Variants in GDI2 observed in about 807,000 individuals in gnomAD.
GDI2 encodes the protein GDP dissociation inhibitor 2.
GDI2 carries 22 observed loss-of-function variants against 54.2 expected under a neutral mutation model. The observed-to-expected ratio is 0.41, with a 90% confidence interval of 0.29 to 0.58. GDI2 has a LOEUF of 0.58. GDI2 is among the 20% of genes least tolerant of loss of function. The pLI is 0.35. For synonymous variants in GDI2, 177 were observed against 182.1 expected (o/e 0.97, Z 0.23); for missense variants, 422 against 546.0 (o/e 0.77, Z 2.26).
chr10:5,810,954 A>C (rs1450371355), intron 1 of GDI2, among the ~76,000 whole-genome samples: 1 of 152,196 alleles, frequency 6.6e-6, no homozygotes, highest in Non-Finnish European at 1.5e-5. Flanking sequence ...CTTCTTTAAA[A>C]GTAACAAGTT....
chr10:5,796,728 A>G (rs771509783), intron 3 of GDI2, 35 bp downstream of exon 3: 6 of 969,120 alleles, frequency 6.2e-6, no homozygotes, highest in Non-Finnish European at 1.0e-5. Flanking sequence ...TTGTAATCAA[A>G]GTACTGTCAT....
At chr10:5,795,562 A>G (rs1028729601) in intron 3 of GDI2, among the ~76,000 whole-genome samples, 1 of 152,332 alleles carries the variant, frequency 6.6e-6, no homozygotes, top group South Asian at 2.1e-4. Context: ...GTTACAACTT[A>G]AAGGTTAATA....
chr10:5,785,785 T>C (rs930981347), intron 5 of GDI2, 67 bp downstream of exon 5: 2 of 959,390 alleles, frequency 2.1e-6, no homozygotes, highest in Admixed American at 3.8e-5. Flanking sequence ...GAATTTCCAC[T>C]TGGAAGACTT....
At position 5,801,906 on chromosome 10, in the gene GDI2, G is replaced by A. The variant is rs372661467; in HGVS notation, c.46-1201C>T. ...CATGCCTGTAATTCCAGCAACTCAG[G>A]AGGCTGAGGCAGAACTGCTTGAACC... On this transcript the variant is annotated intron_variant, in intron 1 of 10. Coordinates refer to ENST00000380191, the MANE Select transcript of GDI2 (RefSeq NM_001494.4). Among the ~76,000 whole-genome samples, 12 of 152,006 alleles carry A rather than the reference G, an allele frequency of 7.9e-5. No individual in the cohort carries two copies. The East Asian group carries it at 1.9e-3, about 25-fold the overall frequency.
intron 6 of GDI2, among the ~76,000 whole-genome samples, chr10:5,779,969 C>A (rs2131692392): frequency 6.6e-6 from 1 of 152,156 alleles, no homozygotes; most frequent in African/African-American, 2.4e-5. Context: ...GCTGCAATTA[C>A]AGGCATGAGC....
At position 5,796,826 on chromosome 10, in the gene GDI2, C is replaced by T. The variant is rs755557916; in HGVS notation, c.190G>A (p.Glu64Lys). The T allele has an allele frequency of 1.5e-5, 24 of 1,588,560 alleles. No homozygotes were observed. The highest frequency in any genetic ancestry group is 3.3e-5 in the Admixed American group (2 of 59,950). The change falls in exon 3 of 11, where the codon GAG becomes AAG. Residue 64 changes from glutamate to lysine, a missense_variant. By Grantham distance (56) the Glu-to-Lys change is moderately conservative (BLOSUM62 1). Coordinates refer to ENST00000380191, the MANE Select transcript of GDI2 (RefSeq NM_001494.4). The part of the protein sequence containing the change: ...KRFKIPGSPP[E>K]SMGRGRDWNV... ...CAGTCTCTTCCTCTCCCCATTGACT[C>T]GGGTGGTGATCCTGGTATTTTAAAT...
At chr10:5,773,765 C>G in intron 7 of GDI2, 77 bp downstream of exon 7, 1 of 735,798 alleles carries the variant, frequency 1.4e-6, no homozygotes, top group Non-Finnish European at 2.4e-6. Context: ...TCAGTGTCCA[C>G]ACCAAAATCA....
chr10:5,766,177 T>TA lies in GDI2; in HGVS notation c.1192-26dup. ...TCTGAAAACAAAAATTACGAAGACT[T>TA]AAGACCATGGAGGGATGTCTTCCAG... On this transcript the variant is annotated intron_variant, in intron 10 of 10. Transcript: ENST00000380191. This position sits in a 1 kb window ranked among gnomAD's most constrained non-coding sequence, Gnocchi z 5.8. The TA allele has an allele frequency of 6.2e-7, 1 of 1,612,848 alleles. No homozygotes were observed. The highest frequency in any genetic ancestry group is 1.1e-5 in the South Asian group (1 of 91,060).
chr10:5,810,739 C>A lies in GDI2; in HGVS notation c.45+2475G>T, dbSNP rs150365997. Among the ~76,000 whole-genome samples, 369 of 152,300 alleles carry A rather than the reference C, an allele frequency of 2.4e-3. 2 individuals are homozygous for A. The highest frequency in any genetic ancestry group is 8.4e-3 in the African/African-American group (347 of 41,556). ...CAAAAGCTGTGCTCTTTAGAGATAA[C>A]CTTTAGTTCCTCAGAAAATTCAATT... On this transcript the variant is annotated intron_variant, in intron 1 of 10. Transcript: ENST00000380191.
rs1256553102 is a variant in GDI2, at chr10:5,768,618, G to A, written c.820-234C>T. 4.2e-6 allele frequency: 2 copies of A among 475,340 alleles called. No homozygotes were observed. Among genetic ancestry groups the A allele is most frequent in the Non-Finnish European group, 3.8e-6 (1 of 266,312 alleles). 29.4% of individuals were successfully genotyped at this position (475,340 alleles called of 1,614,324 possible). On this transcript the variant is annotated intron_variant, in intron 7 of 10. Coordinates refer to ENST00000380191, the MANE Select transcript of GDI2 (RefSeq NM_001494.4). This position sits in a 1 kb window ranked among gnomAD's most constrained non-coding sequence, Gnocchi z 4.4. ...ACAGTGATCAATTCAGTGTGGTACT[G>A]GCATAATGACAAACGTATGGACCAA...
chr10:5,788,184 T>C (rs1310062439), intron 4 of GDI2, among the ~76,000 whole-genome samples: 3 of 148,008 alleles, frequency 2.0e-5, no homozygotes, highest in Non-Finnish European at 4.5e-5. Context: ...ACGTGTTTCC[T>C]ACTGTGTTTT....
In GDI2 at chr10:5,766,621, T is replaced by C; in HGVS notation, c.1009A>G (p.Ile337Val). ...GCTGCTACATTGTGCGCAAAGGAGA[T>C]CATGCAGACGTAGATATCTAGAAAC... ...NRKSDIYVCM[I>V]SFAHNVAAQG... The change falls in exon 9 of 11, where the codon ATC becomes GTC. Residue 337 changes from isoleucine (I) to valine (V), a missense_variant. By Grantham distance (29) the Ile-to-Val change is conservative. Transcript: ENST00000380191. This position sits in a 1 kb window ranked among gnomAD's most constrained non-coding sequence, Gnocchi z 5.8. The C allele has an allele frequency of 6.8e-6, 11 of 1,613,740 alleles. No individual in the cohort carries two copies. Among genetic ancestry groups the C allele is most frequent in the Non-Finnish European group, 9.3e-6 (11 of 1,179,648 alleles).
Position 5,804,446 on chromosome 10 carries a change from G to C in GDI2, c.46-3741C>G, listed in dbSNP as rs546172498. On this transcript the variant is annotated intron_variant, in intron 1 of 10. Transcript: ENST00000380191. ...ACAAAACATTCTGAGCACTCCAGAA[G>C]GCCCTCATGCCGTATTCCAATCATA... 3.3e-5 allele frequency among the ~76,000 whole-genome samples: 5 copies of C among 152,134 alleles called. No individual in the cohort carries two copies. The South Asian group carries it at 1.0e-3, about 32-fold the overall frequency.
rs202220456 is a variant in GDI2, at chr10:5,812,204, T to TA, written c.45+1009dup. On this transcript the variant is annotated intron_variant, in intron 1 of 10. Transcript: ENST00000380191. ...TGAATTCTTTTGCAAGATGAACATT[T>TA]AAAAAAAAAAAAAAAAGAACAGAAA... 1.6e-3 allele frequency among the ~76,000 whole-genome samples: 231 copies of TA among 140,096 alleles called. 1 individual carries two copies. Among genetic ancestry groups the TA allele is most frequent in the East Asian group, 0.013 (63 of 4,954 alleles). The allele number at this position is 140,096 out of a possible 152,430, so 91.9% of individuals were successfully genotyped here.
chr10:5,785,068 A>T, intron 6 of GDI2, 74 bp downstream of exon 6: 1 of 998,086 alleles, frequency 1.0e-6, no homozygotes, highest in Non-Finnish European at 1.4e-6. Flanking sequence ...CTCATTATTT[A>T]AACTATATCT....
intron 5 of GDI2, among the ~76,000 whole-genome samples, chr10:5,785,483 T>C (rs529343297): frequency 1.1e-4 from 17 of 152,284 alleles, no homozygotes; most frequent in Non-Finnish European, 2.4e-4. Flanking sequence ...CAAGTGATTC[T>C]TCTGCCTCAG....
rs544359634 is a variant in GDI2 at position 5,776,358 on chromosome 10, AG to A, written c.720-2418del. The A allele has an allele frequency of 1.6e-4, 111 of 678,240 alleles. 1 individual carries two copies. In the African/African-American group the frequency reaches 1.7e-3, roughly 10 times the overall value. 42.0% of individuals were successfully genotyped at this position (678,240 alleles called of 1,614,324 possible). A position where few individuals can be genotyped will look rare whatever the true frequency, so the allele number is the denominator to read the frequency against. On this transcript the variant is annotated intron_variant, in intron 6 of 10. Coordinates refer to ENST00000380191, the MANE Select transcript of GDI2 (RefSeq NM_001494.4). This position sits in a 1 kb window ranked among gnomAD's most constrained non-coding sequence, Gnocchi z 5.3. ...CTCTGCTGAGGATGCAGAGAGCCAG[AG>A]CCCCCTTTCTCAGAAGCACAGCCCT...
intron 6 of GDI2, among the ~76,000 whole-genome samples, chr10:5,778,761 T>C (rs1291831959): frequency 6.6e-6 from 1 of 152,172 alleles, no homozygotes; most frequent in African/African-American, 2.4e-5. Context: ...AAGAAATCAA[T>C]AAATTGTGAT....
chr10:5,777,157 G>T (rs1588970246), intron 6 of GDI2, among the ~76,000 whole-genome samples: 1 of 152,246 alleles, frequency 6.6e-6, no homozygotes, highest in Non-Finnish European at 1.5e-5. Context: ...ACAATTACTT[G>T]TCTTGTCTTC....
Sources: allele counts gnomAD v4.1 joint callset (sites outside exome capture counted in the v4.1 genomes callset), GRCh38; gene constraint gnomAD v4.1.1; non-coding constraint Gnocchi (gnomAD v3.1); transcripts MANE v1.5; gene names NCBI Gene and HGNC (gene_info 2026-07-23, HGNC 2026-07-21).